Variants in ANKS1A observed in about 807,000 individuals in gnomAD.
ANKS1A encodes the protein ankyrin repeat and SAM domain-containing protein 1A.
ANKS1A carries 55 observed loss-of-function variants against 120.3 expected under a neutral mutation model. That is an observed-to-expected ratio of 0.46 (90% confidence interval 0.37 to 0.57). The LOEUF (loss-of-function observed/expected upper bound fraction) is 0.57. Ranked by LOEUF, ANKS1A falls within the 20% of genes least tolerant of loss-of-function variation. ANKS1A has a pLI of 0.00. For missense variants in ANKS1A, 1,123 were observed against 1,480.3 expected (o/e 0.76, Z 3.96); for synonymous variants, 590 against 604.7 (o/e 0.98, Z 0.36).
At chr6:35,025,185 C>T (rs1268759986) in intron 11 of ANKS1A, among the ~76,000 whole-genome samples, 2 of 151,640 alleles carry the variant, frequency 1.3e-5, no homozygotes. Context: ...TTATAGGCAG[C>T]CCTAAATAAA....
intron 13 of ANKS1A, among the ~76,000 whole-genome samples, chr6:35,061,494 G>A (rs1776500622): frequency 6.6e-6 from 1 of 152,156 alleles, no homozygotes; most frequent in African/African-American, 2.4e-5. Context: ...GGGCTTCTGA[G>A]GGTTTCTCGC....
intron 3 of ANKS1A, among the ~76,000 whole-genome samples, chr6:34,976,074 G>T (rs1472635541): frequency 7.2e-6 from 1 of 138,980 alleles, no homozygotes; most frequent in Non-Finnish European, 1.5e-5. Context: ...AGAGGCAGAA[G>T]TTGCAGTGAG....
At chr6:34,984,950 G>A (rs1561891276) in intron 7 of ANKS1A, 132 bp from the exon 8 acceptor site, 2 of 736,034 alleles carry the variant, frequency 2.7e-6, no homozygotes, top group Admixed American at 2.8e-5. Flanking sequence ...ATGGAACAAA[G>A]TAATCATTTT....
At chr6:35,052,285 A>G (rs1412925781) in intron 11 of ANKS1A, among the ~76,000 whole-genome samples, 1 of 150,726 alleles carries the variant, frequency 6.6e-6, no homozygotes, top group Non-Finnish European at 1.5e-5. Context: ...CCGCCTTTAC[A>G]AAAAATAACA....
At chr6:34,909,607 G>A (rs566851302) in intron 1 of ANKS1A, among the ~76,000 whole-genome samples, 3 of 152,184 alleles carry the variant, frequency 2.0e-5, no homozygotes, top group African/African-American at 2.4e-5. Flanking sequence ...GCAAGATCAC[G>A]TGCTGGCCAA....
At chr6:34,995,312 T>A (rs1772791222) in intron 10 of ANKS1A, among the ~76,000 whole-genome samples, 1 of 152,198 alleles carries the variant, frequency 6.6e-6, no homozygotes, top group Non-Finnish European at 1.5e-5. Flanking sequence ...TTATTTTTAA[T>A]GGTCCTGTTT....
chr6:34,983,014 G>A, intron 5 of ANKS1A, 99 bp from the exon 6 acceptor site: 5 of 1,317,212 alleles, frequency 3.8e-6, no homozygotes, highest in Non-Finnish European at 4.3e-6. Context: ...AAAAATGTTG[G>A]CCATGCTGCT....
Position 34,983,372 on chromosome 6 carries a change from C to G in ANKS1A, c.959C>G (p.Pro320Arg), listed in dbSNP as rs766191563. Residue 320 changes from proline to arginine, a missense_variant, in exon 7 of 24, where the codon CCA (proline) becomes CGA (arginine). Physicochemically the swap from Pro to Arg is moderately radical, Grantham distance 103 (BLOSUM62 -2). Transcript: ENST00000360359. ...RSTKEVDKTP[P>R]PQPPLISSMD... ...ACAAAAGAAGTAGATAAAACCCCCC[C>G]ACCCCAGCCACCTCTCATCTCCAGT... 3 of 1,613,892 alleles carry G rather than the reference C, an allele frequency of 1.9e-6. No homozygotes were observed. Among genetic ancestry groups the G allele is most frequent in the African/African-American group, 2.7e-5 (2 of 74,858 alleles).
At chr6:35,007,551 A>G (rs1186609825) in intron 10 of ANKS1A, among the ~76,000 whole-genome samples, 1 of 152,188 alleles carries the variant, frequency 6.6e-6, no homozygotes, top group African/African-American at 2.4e-5. Context: ...TTCTGGACAT[A>G]TTACCACTTG....
intron 10 of ANKS1A, among the ~76,000 whole-genome samples, chr6:35,005,161 A>G (rs1041295667): frequency 6.6e-6 from 1 of 152,204 alleles, no homozygotes; most frequent in African/African-American, 2.4e-5. Context: ...AGCGGGTCAG[A>G]GTGTATGTGC....
intron 13 of ANKS1A, chr6:35,071,005 T>TG: frequency 1.9e-6 from 1 of 521,876 alleles, no homozygotes; most frequent in South Asian, 1.6e-5. Flanking sequence ...GGCCTGCCCA[T>TG]TCCCCTAGTT....
chr6:35,091,482 C>T (rs969273813), downstream of ANKS1A: 4 of 941,620 alleles, frequency 4.2e-6, no homozygotes, highest in African/African-American at 1.8e-5. Context: ...ACAGGCGAGA[C>T]GCAGGCTCAG....
chr6:34,981,149 G>A (rs997029301), intron 3 of ANKS1A, among the ~76,000 whole-genome samples: 5 of 152,252 alleles, frequency 3.3e-5, no homozygotes, highest in Admixed American at 1.3e-4. Context: ...GATACCTTGA[G>A]CGATTTTTAG....
chr6:34,958,060 G>A (rs915289759), intron 1 of ANKS1A, among the ~76,000 whole-genome samples: 1 of 152,150 alleles, frequency 6.6e-6, no homozygotes, highest in African/African-American at 2.4e-5. Context: ...ACAAGGATGG[G>A]CTTTATATAA....
At position 35,086,078 on chromosome 6, in the gene ANKS1A, A is replaced by C. The variant is rs535712685; in HGVS notation, c.3303+142A>C. On this transcript the variant is annotated intron_variant, in intron 22 of 23. Transcript: ENST00000360359. The surrounding 1 kb of genome is among the most constrained non-coding windows in gnomAD (Gnocchi z 5.1). The stretch of plus-strand genomic sequence containing the variant: ...AAATGACCCTCTTAATTGTCCCCCA[A>C]CCCTGCCAGGTCTCGCCCCTGGAAA... The C allele has an allele frequency of 6.8e-5, 89 of 1,309,954 alleles. 4 individuals carry two copies. In the African/African-American group the frequency reaches 1.2e-3, roughly 18 times the overall value. 81.1% of individuals were successfully genotyped at this position (1,309,954 alleles called of 1,614,324 possible).
At chr6:34,921,877 T>G (rs1768449321) in intron 1 of ANKS1A, among the ~76,000 whole-genome samples, 1 of 152,128 alleles carries the variant, frequency 6.6e-6, no homozygotes, top group Admixed American at 6.6e-5. Flanking sequence ...AAAATTTTTT[T>G]GTAGAGACAG....
chr6:34,915,986 CTTTTTT>C (rs202041070), intron 1 of ANKS1A, among the ~76,000 whole-genome samples: 2 of 104,578 alleles, frequency 1.9e-5, no homozygotes, highest in Non-Finnish European at 3.8e-5. Flanking sequence ...ATGTCTGGAT[CTTTTTT>C]TTTTTTTTTT....
chr6:34,905,044 C>T (rs530302434), intron 1 of ANKS1A, among the ~76,000 whole-genome samples: 1 of 152,362 alleles, frequency 6.6e-6, no homozygotes, highest in South Asian at 2.1e-4. Context: ...CTACTAGCCT[C>T]AAGTGATCTG....
At chr6:35,039,476 C>T (rs1411206049) in intron 11 of ANKS1A, 4 of 420,728 alleles carry the variant, frequency 9.5e-6, no homozygotes, top group South Asian at 5.3e-5. Context: ...GGATTACAGG[C>T]GTGAGCCATC....
Sources: allele counts gnomAD v4.1 joint callset (sites outside exome capture counted in the v4.1 genomes callset), GRCh38; gene constraint gnomAD v4.1.1; non-coding constraint Gnocchi (gnomAD v3.1); transcripts MANE v1.5; gene names NCBI Gene and HGNC (gene_info 2026-07-23, HGNC 2026-07-21).